The following FIBCD1 variants were observed in gnomAD, a reference collection of about 807,000 sequenced individuals.
The protein encoded by FIBCD1 is fibrinogen C domain containing 1.
In FIBCD1, 47 loss-of-function variants were observed where a neutral mutation model predicts 45.1. The observed-to-expected ratio is 1.04, with a 90% CI of 0.82 to 1.33. The LOEUF is 1.33. Ranked by LOEUF, FIBCD1 falls within the 40% of genes most tolerant of loss-of-function variation. The probability of loss-of-function intolerance (pLI) is 0.00; values close to 1 mark genes in which losing one functional copy is unlikely to be tolerated. For synonymous variants in FIBCD1, 313 were observed against 308.1 expected (o/e 1.02, Z -0.17); for missense variants, 653 against 682.2 (o/e 0.96, Z 0.48).
In FIBCD1 at chr9:130,903,593, G is replaced by A. The variant is rs769337672; in HGVS notation, c.*471C>T. 2 of 219,536 alleles carry A rather than the reference G, an allele frequency of 9.1e-6. No individual in the cohort carries two copies. Among genetic ancestry groups the A allele is most frequent in the Admixed American group, 5.2e-5 (1 of 19,324 alleles). The allele number at this position is 219,536 out of a possible 1,614,324, so 13.6% of individuals were successfully genotyped here. A position where few individuals can be genotyped will look rare whatever the true frequency, so the allele number is the denominator to read the frequency against. On this transcript the variant is annotated 3_prime_UTR_variant, in exon 7 of 7. Coordinates refer to ENST00000372338, the MANE Select transcript of FIBCD1 (RefSeq NM_032843.5). ...GTGGGGGTTGGCATTGGGAGGGCTGGAGGATACTGGCCTCAGACCTGACCT... is the reference window on the plus strand; with the variant it reads ...GTGGGGGTTGGCATTGGGAGGGCTGAAGGATACTGGCCTCAGACCTGACCT...
intron 2 of FIBCD1, among the ~76,000 whole-genome samples, chr9:130,924,815 TA>T (rs2133108180): frequency 6.6e-6 from 1 of 152,282 alleles, no homozygotes; most frequent in Non-Finnish European, 1.5e-5. Context: ...GTTATATGAC[TA>T]GGGGCGAATG....
At chr9:130,911,085 A>G (rs1023146003) in intron 5 of FIBCD1, among the ~76,000 whole-genome samples, 1 of 152,202 alleles carries the variant, frequency 6.6e-6, no homozygotes, top group Non-Finnish European at 1.5e-5. Flanking sequence ...CAACCCGCTC[A>G]GGTTCCCTCC....
intron 1 of FIBCD1, among the ~76,000 whole-genome samples, chr9:130,937,070 G>T (rs1289602424): frequency 6.6e-6 from 1 of 152,126 alleles, no homozygotes; most frequent in Admixed American, 6.5e-5. Flanking sequence ...TGGGGCCCAG[G>T]GTTGGCAAAT....
At chr9:130,920,771 A>T (rs1832247659) in intron 4 of FIBCD1, among the ~76,000 whole-genome samples, 1 of 150,568 alleles carries the variant, frequency 6.6e-6, no homozygotes, top group South Asian at 2.1e-4. Flanking sequence ...CACTCCTCCC[A>T]CCCCCTACAC....
chr9:130,919,071 C>T (rs904934026), intron 4 of FIBCD1, among the ~76,000 whole-genome samples: 2 of 152,172 alleles, frequency 1.3e-5, no homozygotes, highest in African/African-American at 4.8e-5. Flanking sequence ...CAGTCGGCGC[C>T]TGCCGGCTCT....
chr9:130,913,250 AGCTTTATTCTCCTTTATTCTCCCT>A (rs141720196), intron 4 of FIBCD1, among the ~76,000 whole-genome samples: 25,220 of 151,304 alleles, frequency 0.17, 4,084 homozygotes, highest in African/African-American at 0.43. Context: ...CTGTTTAACA[AGCTTTATTCTCCTTTATTCTCCCT>A]GCTTTATTCT....
intron 3 of FIBCD1, among the ~76,000 whole-genome samples, 178 bp from the exon 4 acceptor site, chr9:130,924,058 C>T (rs1588110602): frequency 1.3e-5 from 2 of 152,220 alleles, no homozygotes; most frequent in Admixed American, 1.3e-4. Context: ...GAGAGAATCA[C>T]CCTCTCTGGG....
In FIBCD1 at chr9:130,922,623, T is replaced by C. The variant is rs961610902; in HGVS notation, c.849+1121A>G. ...CTGTGGACTGAACGGTCGAAACACC[T>C]CCTCCCCGTCCCTCTCCCCACTGCC... On this transcript the variant is annotated intron_variant, in intron 4 of 6. Transcript: ENST00000372338. The surrounding 1 kb of genome is among the most constrained non-coding windows in gnomAD (Gnocchi z 4.5). Among the ~76,000 whole-genome samples, 44 of 151,508 alleles carry C rather than the reference T, an allele frequency of 2.9e-4. No individual in the cohort carries two copies. Among genetic ancestry groups the C allele is most frequent in the African/African-American group, 1.1e-3 (44 of 41,174 alleles).
chr9:130,918,974 G>A lies in FIBCD1; in HGVS notation c.849+4770C>T, dbSNP rs147029121. Among the ~76,000 whole-genome samples, 124 of 152,328 alleles carry A rather than the reference G, an allele frequency of 8.1e-4. 1 individual carries two copies. The highest frequency in any genetic ancestry group is 2.6e-3 in the African/African-American group (106 of 41,566). On this transcript the variant is annotated intron_variant, in intron 4 of 6. Coordinates refer to ENST00000372338, the MANE Select transcript of FIBCD1 (RefSeq NM_032843.5). ...CCCTCCCTGCAGAGCCAGCTGCTGAGCCCAGAAGGAAATCGGACCCACTCC... is the reference window on the plus strand; with the variant it reads ...CCCTCCCTGCAGAGCCAGCTGCTGAACCCAGAAGGAAATCGGACCCACTCC...
At chr9:130,928,097 G>A (rs1170459306) in intron 2 of FIBCD1, among the ~76,000 whole-genome samples, 4 of 152,242 alleles carry the variant, frequency 2.6e-5, no homozygotes, top group Non-Finnish European at 5.9e-5. Flanking sequence ...AGCACGGCTC[G>A]CTGCCTCTGA....
chr9:130,929,193 C>T (rs755662389), intron 2 of FIBCD1, among the ~76,000 whole-genome samples: 3 of 152,114 alleles, frequency 2.0e-5, no homozygotes, highest in African/African-American at 7.2e-5. Flanking sequence ...TTCAGCAAGT[C>T]GCATCCCCTC....
In FIBCD1 at chr9:130,912,703, T is replaced by TG. The variant is rs199739848; in HGVS notation, c.850-816dup. Among the ~76,000 whole-genome samples the TG allele has an allele frequency of 5.0e-3, 637 of 127,786 alleles. 5 individuals are homozygous for TG. The highest frequency in any genetic ancestry group is 0.015 in the East Asian group (74 of 4,784). The allele number at this position is 127,786 out of a possible 152,430, so 83.8% of individuals were successfully genotyped here. ...GCCTGGGTGATAGAGCAAAACTGTC[T>TG]GAAAAAAAAAAAAGGGAATCTCGGT... On this transcript the variant is annotated intron_variant, in intron 4 of 6. Transcript: ENST00000372338.
intron 2 of FIBCD1, among the ~76,000 whole-genome samples, chr9:130,929,126 G>T (rs188496164): frequency 4.0e-4 from 61 of 152,224 alleles, no homozygotes; most frequent in Non-Finnish European, 7.8e-4. Context: ...AACTGGGAGG[G>T]GGTATGGAGA....
intron 1 of FIBCD1, among the ~76,000 whole-genome samples, chr9:130,934,366 A>T (rs1832487101): frequency 1.3e-5 from 2 of 152,156 alleles, no homozygotes; most frequent in Admixed American, 1.3e-4. Context: ...TTGTTCTGTG[A>T]GATCTGAGCG....
chr9:130,939,339 C>T (rs1158964297), upstream of FIBCD1: 2 of 152,282 alleles, frequency 1.3e-5, no homozygotes, highest in East Asian at 3.9e-4. Flanking sequence ...GCCCCAAGAC[C>T]CAGGCTGCGC....
rs569113958 is a variant in FIBCD1 at position 130,904,443 on chromosome 9, G to A, written c.1127-120C>T. On this transcript the variant is annotated intron_variant, in intron 6 of 6. Transcript: ENST00000372338. Reference sequence around the variant, plus strand: ...CCTGGACGTGAGTGCATACACGTACGCACGTGCTCTCACACATACTGCTGT... The same window carrying A: ...CCTGGACGTGAGTGCATACACGTACACACGTGCTCTCACACATACTGCTGT... 5.5e-5 allele frequency: 77 copies of A among 1,394,362 alleles called. 1 individual carries two copies. In the South Asian group the frequency reaches 5.8e-4, roughly 11 times the overall value. The allele number at this position is 1,394,362 out of a possible 1,614,324, so 86.4% of individuals were successfully genotyped here.
chr9:130,915,710 TAAAA>T (rs140130452), intron 4 of FIBCD1, among the ~76,000 whole-genome samples: 4 of 151,796 alleles, frequency 2.6e-5, no homozygotes, highest in African/African-American at 7.3e-5. Context: ...CTCAAAAAAA[TAAAA>T]AAATAAACTG....
intron 4 of FIBCD1, 123 bp from the exon 5 acceptor site, chr9:130,912,011 A>G (rs11794418): frequency 0.13 from 112,716 of 840,050 alleles, 8,159 homozygotes; most frequent in Admixed American, 0.15. Context: ...TCGGGAGGGC[A>G]GGGGCCTGGT....
In FIBCD1 at chr9:130,911,102, G is replaced by A. The variant is rs545362255; in HGVS notation, c.946+690C>T. On this transcript the variant is annotated intron_variant, in intron 5 of 6. Transcript: ENST00000372338. ...ACCCGCTCAGGTTCCCTCCTGCGCT[G>A]TGGAAGCTTTGTTCTTTCACTCTTT... Among the ~76,000 whole-genome samples, 12 of 152,308 alleles carry A rather than the reference G, an allele frequency of 7.9e-5. No homozygotes were observed. In the East Asian group the frequency reaches 1.4e-3, roughly 17 times the overall value.
Sources: allele counts gnomAD v4.1 joint callset (sites outside exome capture counted in the v4.1 genomes callset), GRCh38; gene constraint gnomAD v4.1.1; non-coding constraint Gnocchi (gnomAD v3.1); transcripts MANE v1.5; gene names NCBI Gene and HGNC (gene_info 2026-07-23, HGNC 2026-07-21).